Variants in NOP58 observed in about 807,000 individuals in gnomAD.
NOP58 encodes nucleolar protein 58.
NOP58 carries 44 observed loss-of-function variants against 71.2 expected under a neutral mutation model. That is an observed-to-expected ratio of 0.62 (90% CI 0.49 to 0.79). NOP58 has a LOEUF of 0.79. Among genes scored for constraint, NOP58 ranks in the 30% least tolerant of loss-of-function variants. The probability of loss-of-function intolerance (pLI) is 0.00; values close to 1 mark genes in which losing one functional copy is unlikely to be tolerated. For synonymous variants in NOP58, 228 were observed against 200.3 expected (o/e 1.14, Z -1.17); for missense variants, 538 against 620.2 (o/e 0.87, Z 1.41).
At chr2:202,268,689 A>G (rs147264748) in intron 1 of NOP58, among the ~76,000 whole-genome samples, 34,833 of 150,016 alleles carry the variant, frequency 0.23, 6,069 homozygotes, top group African/African-American at 0.49. Flanking sequence ...TTGGCTCACC[A>G]CAACCTCTGC....
At chr2:202,301,119 A>G (rs1290750557) in intron 13 of NOP58, among the ~76,000 whole-genome samples, 2 of 152,148 alleles carry the variant, frequency 1.3e-5, no homozygotes, top group African/African-American at 4.8e-5. Context: ...TGTCCTTTGT[A>G]TCCTCAATTG....
intron 1 of NOP58, among the ~76,000 whole-genome samples, chr2:202,270,600 A>G (rs540927464): frequency 8.1e-4 from 123 of 152,258 alleles, no homozygotes; most frequent in Admixed American, 2.2e-3. Flanking sequence ...CCTGGGCAAC[A>G]TGGCGGAAAA....
At chr2:202,293,296 G>C (rs1169358034) in intron 9 of NOP58, among the ~76,000 whole-genome samples, 1 of 152,054 alleles carries the variant, frequency 6.6e-6, no homozygotes, top group Admixed American at 6.5e-5. Context: ...AGAAATCACT[G>C]TAGAGGATTT....
chr2:202,283,444 ATTT>A (rs112839981), intron 4 of NOP58, among the ~76,000 whole-genome samples: 1 of 134,780 alleles, frequency 7.4e-6, no homozygotes, highest in Non-Finnish European at 1.6e-5. Flanking sequence ...CCAACCTGTA[ATTT>A]TTTTTTTTTT....
chr2:202,276,493 G>A (rs756190041), intron 2 of NOP58: 16 of 515,756 alleles, frequency 3.1e-5, no homozygotes, highest in African/African-American at 9.6e-5. Context: ...CTCAATATTC[G>A]TCACTACCAC....
At chr2:202,286,038 C>T (rs1335327311) in intron 5 of NOP58, among the ~76,000 whole-genome samples, 1 of 151,792 alleles carries the variant, frequency 6.6e-6, no homozygotes, top group Admixed American at 6.6e-5. Context: ...AAAAATTAGC[C>T]GGGCACAGTG....
At chr2:202,291,443 G>A (rs1688892922) in intron 8 of NOP58, 173 bp downstream of exon 8, 1 of 440,458 alleles carries the variant, frequency 2.3e-6, no homozygotes, top group Non-Finnish European at 4.0e-6. Flanking sequence ...CTTAAAAGGG[G>A]GAAATACATA....
chr2:202,291,400 A>C (rs549117947), intron 8 of NOP58, 130 bp downstream of exon 8: 1 of 608,446 alleles, frequency 1.6e-6, no homozygotes, highest in East Asian at 2.8e-5. Flanking sequence ...GTGTTCAGTC[A>C]CTACCTCATC....
chr2:202,300,164 TTA>T, intron 12 of NOP58, 68 bp from the exon 13 acceptor site: 2 of 1,323,938 alleles, frequency 1.5e-6, no homozygotes, highest in Non-Finnish European at 2.1e-6. Flanking sequence ...GGCATTTTCT[TTA>T]TCTCTTGAGA....
rs1688814029 is a variant in NOP58 at position 202,287,599 on chromosome 2, G to A, written c.435-61G>A. 3.8e-6 allele frequency: 5 copies of A among 1,318,090 alleles called. No individual in the cohort carries two copies. In the Admixed American group the frequency reaches 5.2e-5, roughly 14 times the overall value. 81.6% of individuals were successfully genotyped at this position (1,318,090 alleles called of 1,614,324 possible). ...CAAAAACAAAAAAAAACTTTAAGGT[G>A]TTAATTTAAATGCTTTTCCTAGATG... On this transcript the variant is annotated intron_variant, in intron 5 of 14. Transcript: ENST00000264279.
rs1476116630 is a variant in NOP58, at chr2:202,283,914, AAC to A, written c.298-426_298-425del. ...CAGTGATACAGTCAAGTATTCTACA[AAC>A]ACACTGGAAATTATGCTTCTTGTCC... On this transcript the variant is annotated intron_variant, in intron 4 of 14. Coordinates refer to ENST00000264279, the MANE Select transcript of NOP58 (RefSeq NM_015934.5). Among the ~76,000 whole-genome samples, 9 of 152,304 alleles carry A rather than the reference AAC, an allele frequency of 5.9e-5. No individual in the cohort carries two copies. The East Asian group carries it at 1.2e-3, about 20-fold the overall frequency.
intron 13 of NOP58, among the ~76,000 whole-genome samples, chr2:202,302,370 G>C (rs534436633): frequency 6.6e-6 from 1 of 152,078 alleles, no homozygotes; most frequent in Non-Finnish European, 1.5e-5. Context: ...GATTACAGGC[G>C]TGAGCCACTG....
At chr2:202,288,810 C>A (rs1031951174) in intron 6 of NOP58, among the ~76,000 whole-genome samples, 1 of 150,320 alleles carries the variant, frequency 6.7e-6, no homozygotes, top group Non-Finnish European at 1.5e-5. Flanking sequence ...AGCAACACTC[C>A]GTCTCAAAAA....
intron 1 of NOP58, among the ~76,000 whole-genome samples, chr2:202,272,225 C>G (rs1330973026): frequency 7.0e-6 from 1 of 143,334 alleles, no homozygotes; most frequent in Non-Finnish European, 1.5e-5. Context: ...GATCTCAGCT[C>G]ACTGCAGGCT....
At chr2:202,268,305 C>G (rs138431862) in intron 1 of NOP58, among the ~76,000 whole-genome samples, 6,031 of 152,026 alleles carry the variant, frequency 0.04, 429 homozygotes, top group African/African-American at 0.14. Context: ...GAGGCCGAGG[C>G]CGGCGGATCA....
intron 12 of NOP58, among the ~76,000 whole-genome samples, chr2:202,299,341 TATTTA>T (rs1689051417): frequency 6.6e-6 from 1 of 152,202 alleles, no homozygotes; most frequent in African/African-American, 2.4e-5. Context: ...TATAAATACA[TATTTA>T]AGTATAATTT....
intron 5 of NOP58, among the ~76,000 whole-genome samples, chr2:202,286,932 A>G (rs569356284): frequency 2.6e-5 from 4 of 152,332 alleles, no homozygotes; most frequent in Middle Eastern, 3.4e-3. Context: ...GCTGAGATGA[A>G]AAAACATTTT....
intron 5 of NOP58, among the ~76,000 whole-genome samples, chr2:202,286,044 C>G (rs1472974567): frequency 6.6e-6 from 1 of 151,034 alleles, no homozygotes; most frequent in Non-Finnish European, 1.5e-5. Flanking sequence ...TAGCCGGGCA[C>G]AGTGGCGGGC....
At chr2:202,292,150 T>C (rs896454832) in intron 8 of NOP58, among the ~76,000 whole-genome samples, 4 of 150,562 alleles carry the variant, frequency 2.7e-5, no homozygotes, top group Non-Finnish European at 4.4e-5. Context: ...CGTGCCACCA[T>C]GCCCAGCTAA....
Sources: gnomAD v4.1 joint callset for allele counts (sites outside exome capture counted in the v4.1 genomes callset) on GRCh38, gnomAD v4.1.1 for gene constraint, MANE v1.5 for transcripts, NCBI Gene and HGNC (gene_info 2026-07-23, HGNC 2026-07-21) for gene names.